The following XKR6 variants were observed in gnomAD, a reference collection of about 807,000 sequenced individuals.
The protein encoded by XKR6 is XK related 6.
XKR6 carries 22 observed loss-of-function variants against 56.7 expected under a neutral mutation model. That is an observed-to-expected ratio of 0.39 (90% CI 0.28 to 0.55). XKR6 has a LOEUF of 0.55. Ranked by LOEUF, XKR6 falls within the 20% of genes least tolerant of loss-of-function variation. XKR6 has a pLI of 0.66. For missense variants in XKR6, 852 were observed against 889.0 expected, an observed-to-expected ratio of 0.96 and a Z score of 0.53; for synonymous variants, 524 against 387.8, an observed-to-expected ratio of 1.35 and a Z score of -4.13.
chr8:11,060,391 G>A (rs1266998888), intron 1 of XKR6, among the ~76,000 whole-genome samples: 1 of 152,156 alleles, frequency 6.6e-6, no homozygotes, highest in Non-Finnish European at 1.5e-5. Flanking sequence ...CCTAGACCAT[G>A]CTAAACCTAG....
At chr8:11,137,838 A>G in intron 1 of XKR6, 1 of 368,250 alleles carries the variant, frequency 2.7e-6, no homozygotes, top group South Asian at 2.0e-5. Context: ...TCTTCAATTA[A>G]GGCAAATGAG....
chr8:11,045,804 C>A (rs865852659), intron 1 of XKR6, among the ~76,000 whole-genome samples: 1 of 152,092 alleles, frequency 6.6e-6, no homozygotes, highest in Non-Finnish European at 1.5e-5. Flanking sequence ...TGGGGGTTAC[C>A]ACAAGGAAAA....
chr8:11,015,179 A>T (rs1798590231), intron 1 of XKR6, among the ~76,000 whole-genome samples: 1 of 142,924 alleles, frequency 7.0e-6, no homozygotes, highest in Admixed American at 6.9e-5. Context: ...TCACTCGGGA[A>T]ATGCTGTGAG....
intron 1 of XKR6, among the ~76,000 whole-genome samples, chr8:11,043,290 G>C (rs1224437155): frequency 6.6e-6 from 1 of 152,076 alleles, no homozygotes; most frequent in Non-Finnish European, 1.5e-5. Context: ...GTGGGGTGTT[G>C]GGAGTGAGTC....
intron 1 of XKR6, among the ~76,000 whole-genome samples, chr8:11,172,247 G>A (rs978414054): frequency 2.0e-5 from 3 of 152,086 alleles, no homozygotes; most frequent in African/African-American, 7.2e-5. Flanking sequence ...GTGCACGCCT[G>A]TAATCCCAGC....
chr8:11,146,443 C>T (rs1219220834), intron 1 of XKR6, among the ~76,000 whole-genome samples: 2 of 152,154 alleles, frequency 1.3e-5, no homozygotes, highest in Admixed American at 1.3e-4. Flanking sequence ...TTGGGCAACA[C>T]GGCGAAACGC....
chr8:10,959,011 G>A (rs561331236), intron 1 of XKR6, among the ~76,000 whole-genome samples: 13 of 152,324 alleles, frequency 8.5e-5, no homozygotes, highest in Admixed American at 5.2e-4. Context: ...CCCACAGACC[G>A]GGGGAAACCC....
At chr8:11,090,393 C>A (rs1798027134) in intron 1 of XKR6, among the ~76,000 whole-genome samples, 1 of 138,930 alleles carries the variant, frequency 7.2e-6, no homozygotes, top group African/African-American at 3.0e-5. Context: ...CACTTCCAGT[C>A]GCTTTTTAAT....
chr8:11,098,559 G>A (rs975756522), intron 1 of XKR6, among the ~76,000 whole-genome samples: 1 of 152,132 alleles, frequency 6.6e-6, no homozygotes, highest in African/African-American at 2.4e-5. Context: ...GAACTATGCC[G>A]AAAAGCTTTC....
chr8:10,969,504 G>A (rs1261241924), intron 1 of XKR6, among the ~76,000 whole-genome samples: 1 of 152,212 alleles, frequency 6.6e-6, no homozygotes, highest in Non-Finnish European at 1.5e-5. Context: ...CATGGGAAAT[G>A]TAGGTACGTG....
chr8:11,115,857 G>T (rs949104044), intron 1 of XKR6, among the ~76,000 whole-genome samples: 14 of 152,052 alleles, frequency 9.2e-5, no homozygotes, highest in African/African-American at 3.1e-4. Context: ...TTTCTGAGTT[G>T]GCTTATCTTC....
intron 1 of XKR6, among the ~76,000 whole-genome samples, chr8:11,139,098 T>G (rs1478190930): frequency 6.6e-6 from 1 of 152,178 alleles, no homozygotes; most frequent in East Asian, 1.9e-4. Flanking sequence ...CCATTAACCT[T>G]TAATAGTAAA....
intron 2 of XKR6, among the ~76,000 whole-genome samples, chr8:10,905,983 G>A (rs1486465642): frequency 1.3e-5 from 2 of 152,188 alleles, no homozygotes; most frequent in African/African-American, 2.4e-5. Context: ...GCAATGAAGA[G>A]GGAAGAAAAC....
At chr8:11,191,258 CCCA>C (rs1803557774) in intron 1 of XKR6, among the ~76,000 whole-genome samples, 1 of 152,126 alleles carries the variant, frequency 6.6e-6, no homozygotes, top group African/African-American at 2.4e-5. Flanking sequence ...AACACATACA[CCCA>C]CCAACAACAA....
chr8:11,042,364 C>T (rs564640338), intron 1 of XKR6, among the ~76,000 whole-genome samples: 54 of 152,140 alleles, frequency 3.5e-4, no homozygotes, highest in South Asian at 2.1e-4. Context: ...GGGAGGGACC[C>T]GGTGGGAGGT....
intron 1 of XKR6, among the ~76,000 whole-genome samples, chr8:10,984,732 C>CTCTCTCTCTCTATATATATATATA: frequency 1.1e-3 from 52 of 47,466 alleles, no homozygotes; most frequent in Non-Finnish European, 1.3e-3. Context: ...CTCTCTCTCT[C>CTCTCTCTCTCTATATATATATATA]TATATATATA....
intron 1 of XKR6, among the ~76,000 whole-genome samples, chr8:11,005,024 A>G (rs188059123): frequency 6.6e-6 from 1 of 152,298 alleles, no homozygotes; most frequent in Non-Finnish European, 1.5e-5. Context: ...AGAATGTGGT[A>G]CAGTCCCTCT....
chr8:10,912,710 C>A (rs140120023), intron 2 of XKR6, among the ~76,000 whole-genome samples: 1 of 135,688 alleles, frequency 7.4e-6, no homozygotes, highest in African/African-American at 2.9e-5. Flanking sequence ...TATATATACA[C>A]ACATAGAGAG....
chr8:11,062,933 T>G (rs756682632), intron 1 of XKR6: 1 of 445,244 alleles, frequency 2.2e-6, no homozygotes. Flanking sequence ...TTCTCTTTCT[T>G]CATGCATTGG....
Sources: allele counts gnomAD v4.1 joint callset (sites outside exome capture counted in the v4.1 genomes callset), GRCh38; gene constraint gnomAD v4.1.1; transcripts MANE v1.5; gene names NCBI Gene and HGNC (gene_info 2026-07-23, HGNC 2026-07-21).